The following FANCL variants were observed in gnomAD, a reference collection of about 807,000 sequenced individuals.
FANCL encodes the protein FA complementation group L, also known as E3 ubiquitin-protein ligase FANCL.
A neutral mutation model predicts 59.4 loss-of-function variants in FANCL; 69 were observed. The ratio of observed to expected loss-of-function variants is 1.16; its 90% CI spans 0.96 to 1.42. FANCL has a LOEUF of 1.42. FANCL is among the 40% of genes most tolerant of loss of function. The probability of loss-of-function intolerance (pLI) is 0.00; values close to 1 mark genes in which losing one functional copy is unlikely to be tolerated. For synonymous variants in FANCL, 180 were observed against 147.1 expected, an observed-to-expected ratio of 1.22 and a Z score of -1.62; for missense variants, 519 against 447.2, an observed-to-expected ratio of 1.16 and a Z score of -1.45.
intron 5 of FANCL, among the ~76,000 whole-genome samples, chr2:58,214,702 G>C (rs1392680095): frequency 2.0e-5 from 3 of 151,796 alleles, no homozygotes; most frequent in African/African-American, 7.3e-5. Context: ...TGTAGACACG[G>C]GGTTTCACCA....
chr2:58,177,331 T>A (rs996540407), intron 7 of FANCL, among the ~76,000 whole-genome samples: 2 of 152,052 alleles, frequency 1.3e-5, no homozygotes, highest in African/African-American at 4.8e-5. Context: ...CACATGCACA[T>A]CTATGTTTAT....
chr2:58,182,331 A>G (rs1688012108), intron 7 of FANCL, among the ~76,000 whole-genome samples: 1 of 151,826 alleles, frequency 6.6e-6, no homozygotes, highest in Non-Finnish European at 1.5e-5. Flanking sequence ...AGTGATTCTA[A>G]TGTGCAGATA....
intron 7 of FANCL, among the ~76,000 whole-genome samples, chr2:58,174,418 C>A (rs1456063098): frequency 3.3e-5 from 5 of 152,248 alleles, no homozygotes; most frequent in Admixed American, 6.5e-5. Flanking sequence ...TGTAAAAGAT[C>A]AGAAATCATA....
intron 6 of FANCL, among the ~76,000 whole-genome samples, chr2:58,201,437 A>G (rs895003946): frequency 6.6e-6 from 1 of 151,938 alleles, no homozygotes; most frequent in Non-Finnish European, 1.5e-5. Context: ...TTTAGACTCT[A>G]TAATATTAAT....
At chr2:58,203,318 A>G (rs986585886) in intron 6 of FANCL, among the ~76,000 whole-genome samples, 2 of 151,892 alleles carry the variant, frequency 1.3e-5, no homozygotes, top group African/African-American at 4.8e-5. Flanking sequence ...CTTAAATGCC[A>G]GACACATTTT....
intron 7 of FANCL, among the ~76,000 whole-genome samples, chr2:58,177,712 C>T (rs1687490116): frequency 1.3e-5 from 2 of 150,472 alleles, no homozygotes; most frequent in South Asian, 2.1e-4. Flanking sequence ...AGCACACCAG[C>T]ATGGCACATG....
chr2:58,194,302 A>C (rs984754031), intron 7 of FANCL: 1 of 470,902 alleles, frequency 2.1e-6, no homozygotes, highest in Non-Finnish European at 4.4e-6. Context: ...GTTTTTTTAT[A>C]ATCATAATAT....
intron 7 of FANCL, among the ~76,000 whole-genome samples, chr2:58,176,393 C>T (rs1368322725): frequency 2.0e-5 from 3 of 151,450 alleles, no homozygotes; most frequent in Admixed American, 1.3e-4. Context: ...TACAAGGCTA[C>T]AGTAACCAAA....
chr2:58,191,745 GACT>G (rs1327921831), intron 7 of FANCL, among the ~76,000 whole-genome samples: 2 of 151,800 alleles, frequency 1.3e-5, no homozygotes, highest in Non-Finnish European at 2.9e-5. Flanking sequence ...CATGGAGAGA[GACT>G]ACTTCTTTGC....
intron 7 of FANCL, among the ~76,000 whole-genome samples, chr2:58,191,225 C>T (rs116694085): frequency 0.016 from 2,489 of 151,536 alleles, 25 homozygotes; most frequent in Non-Finnish European, 0.025. Flanking sequence ...AAATTATACT[C>T]GCATTAAAAT....
At chr2:58,239,608 T>C (rs1256901145) in intron 1 of FANCL, among the ~76,000 whole-genome samples, 1 of 152,236 alleles carries the variant, frequency 6.6e-6, no homozygotes, top group Non-Finnish European at 1.5e-5. Flanking sequence ...CTATCTTAGA[T>C]AATAGTATAT....
At chr2:58,174,737 G>C (rs989918757) in intron 7 of FANCL, among the ~76,000 whole-genome samples, 2 of 152,080 alleles carry the variant, frequency 1.3e-5, no homozygotes, top group African/African-American at 4.8e-5. Context: ...AACTAGAAAA[G>C]CAAGAGCAAA....
intron 5 of FANCL, chr2:58,213,463 T>G (rs1691384768): frequency 6.6e-6 from 1 of 152,254 alleles, no homozygotes. Context: ...CAAACAGAAT[T>G]ATCTTCTTTG....
chr2:58,167,225 G>A (rs943894461), intron 7 of FANCL, among the ~76,000 whole-genome samples: 2 of 152,054 alleles, frequency 1.3e-5, no homozygotes, highest in African/African-American at 4.8e-5. Context: ...AGAAAAAAAA[G>A]GTGTGAAGTA....
At chr2:58,215,646 A>G (rs1691636478) in intron 5 of FANCL, among the ~76,000 whole-genome samples, 1 of 151,572 alleles carries the variant, frequency 6.6e-6, no homozygotes, top group Non-Finnish European at 1.5e-5. Context: ...ATTCTGGCAC[A>G]GGGCAAGAGA....
chr2:58,225,404 A>G (rs1573792619), intron 4 of FANCL, among the ~76,000 whole-genome samples: 1 of 152,130 alleles, frequency 6.6e-6, no homozygotes, highest in East Asian at 1.9e-4. Flanking sequence ...AAGATTTTCA[A>G]CTAATAAATG....
At position 58,212,407 on chromosome 2, in the gene FANCL, T is replaced by C. The variant is rs376041448; in HGVS notation, c.375-8181A>G. Among the ~76,000 whole-genome samples, 79 of 152,244 alleles carry C rather than the reference T, an allele frequency of 5.2e-4. No homozygotes were observed. In the South Asian group the frequency reaches 9.5e-3, roughly 18 times the overall value. The stretch of plus-strand genomic sequence containing the variant: ...TGTGGGAGTACAACTCAAGATGAGA[T>C]TTGGGTGGGGACACAGGGGATACAG... On this transcript the variant is annotated intron_variant, in intron 5 of 13. Transcript: ENST00000233741.
At chr2:58,216,512 C>A (rs1305855850) in intron 5 of FANCL, among the ~76,000 whole-genome samples, 2 of 152,006 alleles carry the variant, frequency 1.3e-5, no homozygotes, top group African/African-American at 4.8e-5. Context: ...TTCACCAGTT[C>A]TTTTGAAAGA....
intron 5 of FANCL, among the ~76,000 whole-genome samples, chr2:58,215,802 G>A (rs964635637): frequency 1.3e-5 from 2 of 151,678 alleles, no homozygotes; most frequent in African/African-American, 2.4e-5. Flanking sequence ...GGTAGGCCCA[G>A]AACCTGGCCT....
Sources: gnomAD v4.1 joint callset for allele counts (sites outside exome capture counted in the v4.1 genomes callset) on GRCh38, gnomAD v4.1.1 for gene constraint, MANE v1.5 for transcripts, NCBI Gene and HGNC (gene_info 2026-07-23, HGNC 2026-07-21) for gene names.